Variants in ULK4 observed in about 807,000 individuals in gnomAD.
ULK4 encodes unc-51 like kinase 4, also known as inactive serine/threonine-protein kinase ULK4.
Under a neutral mutation model 160.6 loss-of-function variants are expected in ULK4, and 133 were observed. The ratio of observed to expected loss-of-function variants is 0.83; its 90% CI spans 0.72 to 0.96. The LOEUF is 0.96. ULK4 is among the 40% of genes least tolerant of loss of function. ULK4 has a pLI of 0.00. For missense variants in ULK4, 1,580 were observed against 1,499.5 expected, an observed-to-expected ratio of 1.05 and a Z score of -0.89; for synonymous variants, 534 against 539.8, an observed-to-expected ratio of 0.99 and a Z score of 0.15.
intron 35 of ULK4, among the ~76,000 whole-genome samples, chr3:41,362,461 T>C (rs1461589352): frequency 6.6e-6 from 1 of 152,226 alleles, no homozygotes; most frequent in Non-Finnish European, 1.5e-5. Context: ...ACTCTTCATA[T>C]ACTAGGGTAT....
chr3:41,314,203 T>A (rs7613809), intron 35 of ULK4, among the ~76,000 whole-genome samples: 1 of 152,080 alleles, frequency 6.6e-6, no homozygotes, highest in Non-Finnish European at 1.5e-5. Flanking sequence ...TTGTTTTAAA[T>A]ATTTTTTAAA....
At chr3:41,499,097 C>T (rs1439079682) in intron 32 of ULK4, among the ~76,000 whole-genome samples, 1 of 152,142 alleles carries the variant, frequency 6.6e-6, no homozygotes. Context: ...CATTATTCCA[C>T]TTATATGAAA....
At chr3:41,488,172 G>A (rs1419964615) in intron 32 of ULK4, among the ~76,000 whole-genome samples, 2 of 152,168 alleles carry the variant, frequency 1.3e-5, no homozygotes, top group African/African-American at 2.4e-5. Flanking sequence ...TGCAAGTTTA[G>A]TTTCTAGCAT....
intron 29 of ULK4, among the ~76,000 whole-genome samples, chr3:41,678,059 GACAGCAACTAC>G (rs1226082881): frequency 7.2e-5 from 11 of 152,204 alleles, no homozygotes; most frequent in African/African-American, 2.6e-4. Context: ...CCAGCTTTCA[GACAGCAACTAC>G]ACCATCACAG....
intron 17 of ULK4, among the ~76,000 whole-genome samples, chr3:41,866,005 C>G (rs1196212582): frequency 1.3e-5 from 2 of 152,026 alleles, no homozygotes; most frequent in Non-Finnish European, 2.9e-5. Context: ...TATTGCCAAC[C>G]ATATGTTGGA....
At chr3:41,500,496 C>T (rs2643977) in intron 32 of ULK4, among the ~76,000 whole-genome samples, 126,305 of 151,986 alleles carry the variant, frequency 0.83, 54,022 homozygotes, top group Non-Finnish European at 0.94. Flanking sequence ...GAGAGGCCCA[C>T]CTGATTAGTG....
intron 35 of ULK4, among the ~76,000 whole-genome samples, chr3:41,259,549 C>A (rs556296558): frequency 6.6e-6 from 1 of 152,260 alleles, no homozygotes; most frequent in South Asian, 2.1e-4. Flanking sequence ...TCATCTAAGG[C>A]CTTAAAAAAC....
At chr3:41,441,345 G>C (rs940462340) in intron 34 of ULK4, among the ~76,000 whole-genome samples, 5 of 151,970 alleles carry the variant, frequency 3.3e-5, no homozygotes, top group African/African-American at 1.2e-4. Flanking sequence ...CTCATATGTA[G>C]TGCTTTCACT....
chr3:41,608,197 T>C (rs924530068), intron 31 of ULK4, among the ~76,000 whole-genome samples: 7 of 152,340 alleles, frequency 4.6e-5, no homozygotes, highest in African/African-American at 1.7e-4. Context: ...ATTTTTCCCA[T>C]AAATCTGTAA....
rs1213346661 is a variant in ULK4, at chr3:41,681,746, C to T, written c.2833+7G>A. Reference sequence around the variant, plus strand: ...GATGCAATTCTTGCTGGTGTCATCACACTTACCATTTTGGCTTTGAACCAA... The same window carrying T: ...GATGCAATTCTTGCTGGTGTCATCATACTTACCATTTTGGCTTTGAACCAA... On this transcript the variant is annotated splice_region_variant and intron_variant, in intron 28 of 36. Coordinates refer to ENST00000301831, the MANE Select transcript of ULK4 (RefSeq NM_017886.4). The T allele has an allele frequency of 6.2e-7, 1 of 1,613,932 alleles. No individual in the cohort carries two copies. The highest frequency in any genetic ancestry group is 8.5e-7 in the Non-Finnish European group (1 of 1,179,960).
intron 35 of ULK4, among the ~76,000 whole-genome samples, chr3:41,302,907 T>C (rs2079827970): frequency 1.3e-5 from 2 of 152,158 alleles, no homozygotes; most frequent in East Asian, 3.8e-4. Context: ...AATGATCTAC[T>C]CTAATTCAAT....
intron 29 of ULK4, among the ~76,000 whole-genome samples, chr3:41,667,293 A>G (rs1029336795): frequency 4.6e-5 from 7 of 152,230 alleles, no homozygotes; most frequent in South Asian, 2.1e-4. Context: ...TAGCTTGTGC[A>G]TAAGAATTTT....
At chr3:41,380,735 T>C (rs1176236986) in intron 35 of ULK4, among the ~76,000 whole-genome samples, 1 of 152,174 alleles carries the variant, frequency 6.6e-6, no homozygotes, top group Non-Finnish European at 1.5e-5. Context: ...CTCTCATCTC[T>C]ATGAGGCTCT....
chr3:41,945,258 AATGG>A (rs147117994), intron 2 of ULK4, among the ~76,000 whole-genome samples: 20,313 of 152,132 alleles, frequency 0.13, 1,473 homozygotes, highest in Middle Eastern at 0.27. Flanking sequence ...TGTGCCGGCA[AATGG>A]ATGGATGCCT....
intron 2 of ULK4, among the ~76,000 whole-genome samples, chr3:41,939,745 G>A (rs1247618033): frequency 2.0e-5 from 3 of 151,996 alleles, no homozygotes; most frequent in Admixed American, 1.3e-4. Context: ...TTCGGAACCA[G>A]GCCAGACAGC....
Position 41,781,493 on chromosome 3 carries a change from T to C in ULK4, c.2193+8168A>G, listed in dbSNP as rs547369514. 2.6e-5 allele frequency among the ~76,000 whole-genome samples: 4 copies of C among 152,306 alleles called. No homozygotes were observed. The East Asian group carries it at 7.7e-4, about 29-fold the overall frequency. ...AATGTATTAATTTTTTGGTCTTTAA[T>C]GACTTTGTGAATATATTTACTTTTT... On this transcript the variant is annotated intron_variant, in intron 21 of 36. Coordinates refer to ENST00000301831, the MANE Select transcript of ULK4 (RefSeq NM_017886.4).
At chr3:41,644,625 G>A (rs1359799142) in intron 30 of ULK4, among the ~76,000 whole-genome samples, 69 of 149,152 alleles carry the variant, frequency 4.6e-4, no homozygotes, top group Non-Finnish European at 6.3e-4. Context: ...TTGCATCAGT[G>A]TTCATCAGGG....
intron 4 of ULK4, among the ~76,000 whole-genome samples, chr3:41,934,005 T>C (rs531771342): frequency 3.0e-4 from 45 of 152,226 alleles, no homozygotes; most frequent in African/African-American, 1.0e-3. Context: ...ACCACTGCAC[T>C]CCAGCCTGGG....
chr3:41,583,834 G>T (rs1337425070), intron 31 of ULK4, among the ~76,000 whole-genome samples: 1 of 152,230 alleles, frequency 6.6e-6, no homozygotes, highest in African/African-American at 2.4e-5. Context: ...ATGGTGAATT[G>T]TAAACAATCA....
Sources: allele counts gnomAD v4.1 joint callset (sites outside exome capture counted in the v4.1 genomes callset), GRCh38; gene constraint gnomAD v4.1.1; transcripts MANE v1.5; gene names NCBI Gene and HGNC (gene_info 2026-07-23, HGNC 2026-07-21).